ESRRB: variants seen among roughly 807,000 people sequenced by gnomAD.
ESRRB encodes steroid hormone receptor ERR2.
Under a neutral mutation model 46.0 loss-of-function variants are expected in ESRRB, and 16 were observed. That is an observed-to-expected ratio of 0.35 (90% CI 0.24 to 0.53). The LOEUF is 0.53. ESRRB is among the 20% of genes least tolerant of loss of function. ESRRB has a pLI of 0.93. For synonymous variants in ESRRB, 246 were observed against 259.6 expected (o/e 0.95, Z 0.50); for missense variants, 488 against 607.4 (o/e 0.80, Z 2.07).
chr14:76,411,556 G>A (rs879810885), intron 1 of ESRRB, among the ~76,000 whole-genome samples: 18 of 152,034 alleles, frequency 1.2e-4, no homozygotes, highest in Non-Finnish European at 1.9e-4. Context: ...GTGAATCCTC[G>A]CCTGCTTTAT....
At position 76,429,347 on chromosome 14, in the gene ESRRB, C is replaced by T. The variant is rs573840964; in HGVS notation, c.51-9994C>T. On this transcript the variant is annotated intron_variant, in intron 1 of 6. Transcript: ENST00000644823. ...TTATGATTCAGTGACTCCAGCTGTG[C>T]TGAAGTGTGTGTCCAGAAAAGTGTT... Among the ~76,000 whole-genome samples, 10 of 152,280 alleles carry T rather than the reference C, an allele frequency of 6.6e-5. No individual in the cohort carries two copies. In the South Asian group the frequency reaches 1.0e-3, roughly 16 times the overall value.
chr14:76,374,281 T>C (rs755594946), upstream of ESRRB, among the ~76,000 whole-genome samples: 16 of 152,166 alleles, frequency 1.1e-4, no homozygotes, highest in Admixed American at 3.3e-4. Flanking sequence ...GAGGAGGGAA[T>C]TATCACTCAT....
intron 1 of ESRRB, among the ~76,000 whole-genome samples, chr14:76,347,384 C>G (rs1435647694): frequency 2.0e-5 from 3 of 151,808 alleles, no homozygotes; most frequent in Admixed American, 6.6e-5. Flanking sequence ...GTTTCCGCAC[C>G]AATAAAATGG....
intron 1 of ESRRB, among the ~76,000 whole-genome samples, chr14:76,396,945 C>T (rs932935299): frequency 6.6e-6 from 1 of 152,204 alleles, no homozygotes; most frequent in African/African-American, 2.4e-5. Flanking sequence ...GGTGGTTGCT[C>T]ACCTGCCCAG....
At chr14:76,467,001 T>G (rs532794483) in intron 3 of ESRRB, among the ~76,000 whole-genome samples, 69 of 151,748 alleles carry the variant, frequency 4.5e-4, no homozygotes, top group African/African-American at 1.6e-3. Flanking sequence ...ATTACAGGCG[T>G]GAGCCACTGC....
At chr14:76,330,228 T>A (rs750684) in intron 1 of ESRRB, among the ~76,000 whole-genome samples, 116,357 of 151,950 alleles carry the variant, frequency 0.77, 45,108 homozygotes, top group South Asian at 0.88. Flanking sequence ...AGGGGCTGGC[T>A]CCCGAATAAA....
intron 2 of ESRRB, among the ~76,000 whole-genome samples, chr14:76,446,409 G>T (rs1370310110): frequency 2.6e-5 from 4 of 151,632 alleles, no homozygotes; most frequent in East Asian, 1.9e-4. Flanking sequence ...GTCGCTGGGG[G>T]CTGTGATGAC....
intron 2 of ESRRB, among the ~76,000 whole-genome samples, chr14:76,452,390 G>C (rs1888419783): frequency 6.6e-6 from 1 of 152,066 alleles, no homozygotes; most frequent in Admixed American, 6.6e-5. Context: ...ACTATGGGAG[G>C]CAGAGGCGGG....
chr14:76,471,174 G>A (rs1207567268), intron 3 of ESRRB, among the ~76,000 whole-genome samples: 1 of 152,104 alleles, frequency 6.6e-6, no homozygotes, highest in East Asian at 1.9e-4. Flanking sequence ...ACTCCTCCCA[G>A]GTCAATGTCC....
At chr14:76,357,604 C>T (rs1450978074) in intron 1 of ESRRB, among the ~76,000 whole-genome samples, 1 of 152,172 alleles carries the variant, frequency 6.6e-6, no homozygotes, top group Non-Finnish European at 1.5e-5. Flanking sequence ...GCCTTGATCT[C>T]CTGGACTCAA....
intron 1 of ESRRB, 71 bp from the exon 2 acceptor site, chr14:76,439,270 C>G: frequency 6.4e-7 from 1 of 1,562,934 alleles, no homozygotes; most frequent in Non-Finnish European, 8.8e-7. Flanking sequence ...GCCACCCTAC[C>G]TGCGGGGCTG....
intron 5 of ESRRB, among the ~76,000 whole-genome samples, 158 bp from the exon 6 acceptor site, chr14:76,491,289 T>TA (rs1238343101): frequency 2.0e-5 from 3 of 152,190 alleles, no homozygotes; most frequent in Non-Finnish European, 4.4e-5. Context: ...CAGTGAGTCT[T>TA]ACGCTACACA....
At chr14:76,346,805 G>C (rs1445995566) in intron 1 of ESRRB, among the ~76,000 whole-genome samples, 1 of 152,188 alleles carries the variant, frequency 6.6e-6, no homozygotes, top group African/African-American at 2.4e-5. Flanking sequence ...GATCCACCAG[G>C]ATTCTGTAAT....
At chr14:76,442,485 T>C (rs1311583314) in intron 2 of ESRRB, among the ~76,000 whole-genome samples, 1 of 151,784 alleles carries the variant, frequency 6.6e-6, no homozygotes, top group African/African-American at 2.4e-5. Context: ...CAAAAAAAAA[T>C]AATAAAACTT....
upstream of ESRRB, among the ~76,000 whole-genome samples, chr14:76,369,280 GT>G (rs201369005): frequency 0.055 from 7,944 of 143,668 alleles, 324 homozygotes; most frequent in East Asian, 0.12. Context: ...TTTCTTTGAG[GT>G]TTTTTTTTTT....
Position 76,482,512 on chromosome 14 carries a change from A to G in ESRRB, c.689-86A>G, listed in dbSNP as rs1175988167. ...CCTTCCTGGAGCTCTTAGGAACCCA[A>G]CTTTGCTTCCTGACCCATCTGAGCC... On this transcript the variant is annotated intron_variant, in intron 4 of 6. Coordinates refer to ENST00000644823, the MANE Select transcript of ESRRB (RefSeq NM_001379180.1). The surrounding 1 kb of genome is among the most constrained non-coding windows in gnomAD (Gnocchi z 4.3). 2.7e-6 allele frequency: 4 copies of G among 1,468,868 alleles called. No individual in the cohort carries two copies. The highest frequency in any genetic ancestry group is 3.8e-6 in the Non-Finnish European group (4 of 1,053,100). The allele number at this position is 1,468,868 out of a possible 1,614,324, so 91.0% of individuals were successfully genotyped here.
intron 1 of ESRRB, among the ~76,000 whole-genome samples, chr14:76,341,585 AG>A (rs1205450456): frequency 2.0e-5 from 3 of 152,250 alleles, no homozygotes; most frequent in Admixed American, 1.3e-4. Flanking sequence ...ATGGGCCATG[AG>A]GTCTCCAGGG....
At chr14:76,316,002 A>G (rs56305946) in intron 1 of ESRRB, among the ~76,000 whole-genome samples, 18,548 of 152,174 alleles carry the variant, frequency 0.12, 1,469 homozygotes, top group Non-Finnish European at 0.17. Context: ...TCTCCAAGTC[A>G]CTGCTGCACC....
At position 76,438,613 on chromosome 14, in the gene ESRRB, G is replaced by A. The variant is rs1223147349; in HGVS notation, c.51-728G>A. 7.3e-5 allele frequency among the ~76,000 whole-genome samples: 11 copies of A among 151,606 alleles called. No individual in the cohort carries two copies. The East Asian group carries it at 1.4e-3, about 19-fold the overall frequency. The stretch of plus-strand genomic sequence containing the variant: ...CAGGAGGTGGAGGTTGCAGTAAGCC[G>A]AGATTGGGCCATTGCACTCCAGCCT... On this transcript the variant is annotated intron_variant, in intron 1 of 6. Coordinates refer to ENST00000644823, the MANE Select transcript of ESRRB (RefSeq NM_001379180.1).
Sources: allele counts gnomAD v4.1 joint callset (sites outside exome capture counted in the v4.1 genomes callset), GRCh38; gene constraint gnomAD v4.1.1; non-coding constraint Gnocchi (gnomAD v3.1); transcripts MANE v1.5; gene names NCBI Gene and HGNC (gene_info 2026-07-23, HGNC 2026-07-21).